CSMD1: variants seen among roughly 807,000 people sequenced by gnomAD.
CSMD1 encodes CUB and sushi domain-containing protein 1.
In CSMD1, 213 loss-of-function variants were observed where a neutral mutation model predicts 417.5. That is an observed-to-expected ratio of 0.51 (90% CI 0.46 to 0.57). CSMD1 has a LOEUF of 0.57. CSMD1 is among the 20% of genes least tolerant of loss of function. The pLI is 0.00. For missense variants in CSMD1, 6,923 were observed against 4,529.7 expected (o/e 1.53, Z -15.17); for synonymous variants, 2,862 against 1,736.8 (o/e 1.65, Z -16.11).
intron 3 of CSMD1, among the ~76,000 whole-genome samples, chr8:4,385,381 C>T (rs985654658): frequency 2.6e-5 from 4 of 152,246 alleles, no homozygotes; most frequent in Non-Finnish European, 5.9e-5. Context: ...CCAGCCTTAA[C>T]ATTTGTTCTG....
chr8:3,285,267 T>G (rs150954769), intron 25 of CSMD1, among the ~76,000 whole-genome samples: 444 of 152,336 alleles, frequency 2.9e-3, no homozygotes, highest in African/African-American at 0.01. Flanking sequence ...TGTCACCCTG[T>G]GTAAGGTATG....
At chr8:3,930,043 C>G (rs980192668) in intron 5 of CSMD1, among the ~76,000 whole-genome samples, 1 of 150,232 alleles carries the variant, frequency 6.7e-6, no homozygotes, top group Admixed American at 6.6e-5. Context: ...ATAAAGATGT[C>G]TCTGAGAGGG....
intron 1 of CSMD1, among the ~76,000 whole-genome samples, chr8:4,925,215 G>GTTTTTTTTTTTTTTT (rs10692207): frequency 8.2e-5 from 6 of 72,740 alleles, no homozygotes; most frequent in African/African-American, 2.2e-4. Context: ...CAGTTTTATG[G>GTTTTTTTTTTTTTTT]TTTTTTTTTT....
At chr8:3,970,574 G>T (rs1813010689) in intron 5 of CSMD1, among the ~76,000 whole-genome samples, 2 of 152,144 alleles carry the variant, frequency 1.3e-5, no homozygotes, top group Admixed American at 6.5e-5. Context: ...CGGAAATGTT[G>T]TTAAAGACCC....
At chr8:3,585,019 G>A (rs780967400) in intron 9 of CSMD1, among the ~76,000 whole-genome samples, 49 of 152,156 alleles carry the variant, frequency 3.2e-4, no homozygotes, top group Non-Finnish European at 5.3e-4. Context: ...CTCTCCTGAA[G>A]GGTCTCCATT....
chr8:4,697,276 C>T (rs1388816372), intron 1 of CSMD1, among the ~76,000 whole-genome samples: 1 of 152,070 alleles, frequency 6.6e-6, no homozygotes, highest in Non-Finnish European at 1.5e-5. Flanking sequence ...TATAGCAAGA[C>T]AAGATGAAAA....
chr8:4,334,919 C>T (rs1800082932), intron 3 of CSMD1, among the ~76,000 whole-genome samples: 1 of 152,034 alleles, frequency 6.6e-6, no homozygotes, highest in Non-Finnish European at 1.5e-5. Flanking sequence ...CCACTTTCTA[C>T]CCCCACAGAT....
At chr8:4,152,815 T>C (rs1796639818) in intron 3 of CSMD1, among the ~76,000 whole-genome samples, 2 of 152,262 alleles carry the variant, frequency 1.3e-5, no homozygotes, top group African/African-American at 2.4e-5. Context: ...CATACACGTA[T>C]AGTGAGAGAG....
intron 1 of CSMD1, among the ~76,000 whole-genome samples, chr8:4,705,211 G>C (rs1807848944): frequency 6.6e-6 from 1 of 152,096 alleles, no homozygotes; most frequent in African/African-American, 2.4e-5. Context: ...AGAACTGTGA[G>C]TCAATTAGAC....
At chr8:3,916,982 T>C (rs539015443) in intron 5 of CSMD1, among the ~76,000 whole-genome samples, 117 of 152,242 alleles carry the variant, frequency 7.7e-4, no homozygotes, top group Non-Finnish European at 1.5e-3. Flanking sequence ...TGAGGCAAAA[T>C]GGTGAAACTC....
At chr8:3,084,426 G>C (rs992553958) in intron 49 of CSMD1, among the ~76,000 whole-genome samples, 1 of 151,214 alleles carries the variant, frequency 6.6e-6, no homozygotes, top group Non-Finnish European at 1.5e-5. Context: ...GGGAGGCTGA[G>C]GCAGGAGAAT....
At chr8:3,737,881 C>T (rs1336994735) in intron 6 of CSMD1, among the ~76,000 whole-genome samples, 2 of 152,152 alleles carry the variant, frequency 1.3e-5, no homozygotes, top group African/African-American at 4.8e-5. Flanking sequence ...AGTCTTTGCC[C>T]AGTGAGAATT....
At chr8:4,182,797 A>G (rs1028075815) in intron 3 of CSMD1, among the ~76,000 whole-genome samples, 1 of 152,192 alleles carries the variant, frequency 6.6e-6, no homozygotes, top group African/African-American at 2.4e-5. Flanking sequence ...AGTGAAGGGA[A>G]TATAATCAAG....
intron 1 of CSMD1, among the ~76,000 whole-genome samples, chr8:4,950,961 G>C (rs777340774): frequency 3.0e-5 from 4 of 134,860 alleles, no homozygotes; most frequent in African/African-American, 9.4e-5. Context: ...GAGACTTGTG[G>C]TAAAAAAAAC....
intron 1 of CSMD1, among the ~76,000 whole-genome samples, chr8:4,971,277 G>A (rs1452727942): frequency 6.6e-6 from 1 of 151,940 alleles, no homozygotes; most frequent in African/African-American, 2.4e-5. Context: ...TCTTATAAAT[G>A]CTCTCAACAT....
chr8:3,262,188 T>A (rs1193835558), intron 26 of CSMD1, among the ~76,000 whole-genome samples: 5,418 of 36,720 alleles, frequency 0.15, 251 homozygotes, highest in Non-Finnish European at 0.19. Flanking sequence ...CATATGAATA[T>A]ATATATATAT....
chr8:4,952,910 G>A (rs867762992), intron 1 of CSMD1, among the ~76,000 whole-genome samples: 13 of 152,214 alleles, frequency 8.5e-5, no homozygotes, highest in Middle Eastern at 3.4e-3. Context: ...AATCTATACT[G>A]AACTGATTCA....
At chr8:3,671,214 G>C (rs73181202) in intron 7 of CSMD1, among the ~76,000 whole-genome samples, 21,434 of 146,590 alleles carry the variant, frequency 0.15, 1,883 homozygotes, top group South Asian at 0.22. Context: ...TCTATGTATA[G>C]GGGATGTATG....
intron 3 of CSMD1, among the ~76,000 whole-genome samples, chr8:4,363,610 T>A (rs1801901311): frequency 6.6e-6 from 1 of 152,154 alleles, no homozygotes; most frequent in African/African-American, 2.4e-5. Context: ...AGAGACAACA[T>A]CAACGTCCCT....
Sources: gnomAD v4.1 joint callset for allele counts (sites outside exome capture counted in the v4.1 genomes callset) on GRCh38, gnomAD v4.1.1 for gene constraint, MANE v1.5 for transcripts, NCBI Gene and HGNC (gene_info 2026-07-23, HGNC 2026-07-21) for gene names.